SLC39A11: variants seen among roughly 807,000 people sequenced by gnomAD.
SLC39A11 encodes the protein solute carrier family 39 member 11.
Under a neutral mutation model 36.1 loss-of-function variants are expected in SLC39A11, and 33 were observed. That is an observed-to-expected ratio of 0.91 (90% CI 0.69 to 1.22). The LOEUF is 1.22. SLC39A11 is among the 50% of genes most tolerant of loss of function. The pLI is 0.00. For missense variants in SLC39A11, 432 were observed against 430.3 expected, an observed-to-expected ratio of 1.00 and a Z score of -0.03; for synonymous variants, 166 against 170.3, an observed-to-expected ratio of 0.97 and a Z score of 0.20.
intron 5 of SLC39A11, among the ~76,000 whole-genome samples, chr17:72,931,546 C>T (rs2466533): frequency 0.41 from 62,827 of 152,084 alleles, 13,135 homozygotes; most frequent in Admixed American, 0.48. Flanking sequence ...TCACATGATC[C>T]CTTCCCAAAT....
intron 6 of SLC39A11, among the ~76,000 whole-genome samples, chr17:72,812,549 G>A (rs1568132012): frequency 6.6e-6 from 1 of 152,160 alleles, no homozygotes; most frequent in Non-Finnish European, 1.5e-5. Context: ...AAGGCAGAAT[G>A]GAATAGCAAC....
At position 72,649,178 on chromosome 17, in the gene SLC39A11, T is replaced by C; in HGVS notation, c.762A>G (p.Arg254=). 6.2e-7 allele frequency: 1 copy of C among 1,613,440 alleles called. No individual in the cohort carries two copies. The highest frequency in any genetic ancestry group is 1.7e-5 in the Admixed American group (1 of 59,912). The change falls in exon 8 of 10, where the codon AGA becomes AGG. Residue 254 remains arginine, a synonymous_variant. Coordinates refer to ENST00000255559, the MANE Select transcript of SLC39A11 (RefSeq NM_139177.4). ...PLRGAGFSTW[R]AFWYGQLSGM... is the part of the protein sequence containing the mutation. The stretch of plus-strand genomic sequence containing the variant: ...CCTTGGGCAGCACTCACCAGAAAGC[T>C]CTCCAGGTGGAGAAGCCTGCCCCTC...
At chr17:72,855,762 T>G (rs186906947) in intron 5 of SLC39A11, among the ~76,000 whole-genome samples, 1,801 of 152,126 alleles carry the variant, frequency 0.012, 52 homozygotes, top group African/African-American at 0.038. Context: ...CCAGGCGTGG[T>G]GGCGGGCACC....
chr17:72,967,370 C>CAGAGAGAGAGAGAGAGAGAGAGAGAGAG (rs72044418), intron 4 of SLC39A11, among the ~76,000 whole-genome samples: 4 of 110,084 alleles, frequency 3.6e-5, no homozygotes, highest in Non-Finnish European at 5.8e-5. Flanking sequence ...TAAGCATGCT[C>CAGAGAGAGAGAGAGAGAGAGAGAGAGAG]AGAGAGAGAG....
chr17:72,687,879 G>A (rs916920247), intron 7 of SLC39A11, among the ~76,000 whole-genome samples: 2 of 152,144 alleles, frequency 1.3e-5, no homozygotes, highest in African/African-American at 4.8e-5. Context: ...AGAAACTGAG[G>A]CTCTGTGGCA....
At chr17:73,023,970 T>C (rs1325205321) in intron 4 of SLC39A11, among the ~76,000 whole-genome samples, 2 of 152,242 alleles carry the variant, frequency 1.3e-5, no homozygotes, top group Non-Finnish European at 2.9e-5. Context: ...AAACCAACCC[T>C]GCCGGCACCT....
intron 5 of SLC39A11, among the ~76,000 whole-genome samples, chr17:72,882,348 T>C (rs1462301199): frequency 7.7e-6 from 1 of 130,498 alleles, no homozygotes; most frequent in Non-Finnish European, 1.5e-5. Flanking sequence ...AGAATGTACA[T>C]ATTCCTATAT....
chr17:73,026,878 G>T (rs1365848766), intron 4 of SLC39A11, among the ~76,000 whole-genome samples: 1 of 152,018 alleles, frequency 6.6e-6, no homozygotes, highest in African/African-American at 2.4e-5. Flanking sequence ...TGAAGAGGGG[G>T]AGGCCAAAGT....
chr17:72,911,733 T>G (rs67947981), intron 5 of SLC39A11, among the ~76,000 whole-genome samples: 77,484 of 151,746 alleles, frequency 0.51, 19,744 homozygotes, highest in African/African-American at 0.53. Flanking sequence ...AACCTCTGCC[T>G]CCCGGGTTCA....
intron 4 of SLC39A11, among the ~76,000 whole-genome samples, chr17:72,950,823 G>A (rs918638125): frequency 6.6e-6 from 1 of 152,000 alleles, no homozygotes; most frequent in Admixed American, 6.5e-5. Flanking sequence ...TGTGATTTTT[G>A]TCCCCCCCAC....
Position 72,784,421 on chromosome 17 carries a change from CA to C in SLC39A11, c.602-47703del, listed in dbSNP as rs747851667. 7.9e-5 allele frequency among the ~76,000 whole-genome samples: 12 copies of C among 152,210 alleles called. No homozygotes were observed. In the South Asian group the frequency reaches 8.3e-4, roughly 11 times the overall value. Reference sequence around the variant, plus strand: ...CACAGAGCAAAGATGTCTAAGAAGACAGGGGGTTTGACACCAGAATGTCAAC... The same window carrying C: ...CACAGAGCAAAGATGTCTAAGAAGACGGGGGTTTGACACCAGAATGTCAAC... On this transcript the variant is annotated intron_variant, in intron 6 of 9. Transcript: ENST00000255559.
chr17:72,766,453 C>T (rs1177040283), intron 6 of SLC39A11, among the ~76,000 whole-genome samples: 3 of 152,178 alleles, frequency 2.0e-5, no homozygotes, highest in Non-Finnish European at 4.4e-5. Context: ...AGTGTTCACA[C>T]CACCTCAAGG....
chr17:72,812,553 T>C (rs570279782), intron 6 of SLC39A11, among the ~76,000 whole-genome samples: 6 of 152,316 alleles, frequency 3.9e-5, no homozygotes, highest in Non-Finnish European at 8.8e-5. Flanking sequence ...CAGAATGGAA[T>C]AGCAACGGGG....
intron 4 of SLC39A11, among the ~76,000 whole-genome samples, chr17:72,949,516 A>C (rs2085713042): frequency 6.6e-6 from 1 of 151,932 alleles, no homozygotes; most frequent in South Asian, 2.1e-4. Context: ...ATTCCAATCA[A>C]GGTACCAGCA....
chr17:72,757,533 C>T (rs994250558), intron 6 of SLC39A11, among the ~76,000 whole-genome samples: 22 of 150,106 alleles, frequency 1.5e-4, no homozygotes, highest in African/African-American at 4.5e-4. Context: ...GGTTGTGGGA[C>T]GGCTTTTTGT....
intron 3 of SLC39A11, among the ~76,000 whole-genome samples, chr17:73,056,959 G>C (rs1037682025): frequency 6.6e-6 from 1 of 152,116 alleles, no homozygotes; most frequent in African/African-American, 2.4e-5. Context: ...ACAATGGGAT[G>C]CATTTTTTTT....
At chr17:72,816,748 C>G (rs1937308617) in intron 6 of SLC39A11, among the ~76,000 whole-genome samples, 1 of 152,178 alleles carries the variant, frequency 6.6e-6, no homozygotes, top group South Asian at 2.1e-4. Flanking sequence ...CTCCAGAGCA[C>G]TTAATGGGTT....
rs1555651341 is a variant in SLC39A11, at chr17:72,732,040, C to CTTTTCTTTTTTTTTTTTTTTTTTTTTTT, written c.671+4609_671+4610insAAAAAAAAAAAAAAAAAAAAAAAGAAAA. Among the ~76,000 whole-genome samples, 15 of 33,660 alleles carry CTTTTCTTTTTTTTTTTTTTTTTTTTTTT rather than the reference C, an allele frequency of 4.5e-4. 2 individuals carry two copies. The highest frequency in any genetic ancestry group is 6.3e-4 in the Non-Finnish European group (11 of 17,438). 22.1% of individuals were successfully genotyped at this position (33,660 alleles called of 152,430 possible). On this transcript the variant is annotated intron_variant, in intron 7 of 9. Coordinates refer to ENST00000255559, the MANE Select transcript of SLC39A11 (RefSeq NM_139177.4). ...TTTCTTTATTTTTTTCTTTTCTTTTCTTTTTTTTTTTTTTTTTTTTTTTTT... is the reference window on the plus strand; with the variant it reads ...TTTCTTTATTTTTTTCTTTTCTTTTCTTTTCTTTTTTTTTTTTTTTTTTTTTTTTTTTTTTTTTTTTTTTTTTTTTTTT...
chr17:73,005,220 C>T (rs528192107), intron 4 of SLC39A11, among the ~76,000 whole-genome samples: 13 of 152,244 alleles, frequency 8.5e-5, no homozygotes, highest in Admixed American at 5.2e-4. Flanking sequence ...TCAGACGATC[C>T]GCCAACCTCT....
Sources: allele counts gnomAD v4.1 joint callset (sites outside exome capture counted in the v4.1 genomes callset), GRCh38; gene constraint gnomAD v4.1.1; transcripts MANE v1.5; gene names NCBI Gene and HGNC (gene_info 2026-07-23, HGNC 2026-07-21).